ANO10: variants seen among roughly 807,000 people sequenced by gnomAD.
ANO10 encodes the protein anoctamin-10.
Under a neutral mutation model 74.7 loss-of-function variants are expected in ANO10, and 77 were observed. The ratio of observed to expected loss-of-function variants is 1.03; its 90% CI spans 0.86 to 1.25. ANO10 has a LOEUF of 1.25. Among genes scored for constraint, ANO10 ranks in the 50% most tolerant of loss-of-function variants. The pLI, the probability that ANO10 is intolerant of heterozygous loss-of-function variation, is 0.00. For missense variants in ANO10, 721 were observed against 778.1 expected (o/e 0.93, Z 0.87); for synonymous variants, 279 against 284.9 (o/e 0.98, Z 0.21).
At chr3:43,582,641 CAT>C (rs2149421673) in intron 4 of ANO10, among the ~76,000 whole-genome samples, 1 of 152,260 alleles carries the variant, frequency 6.6e-6, no homozygotes, top group Admixed American at 6.5e-5. Flanking sequence ...AAAGATTCTT[CAT>C]ATATGTTTCT....
chr3:43,664,029 A>G (rs2083958150), intron 1 of ANO10, among the ~76,000 whole-genome samples: 1 of 152,180 alleles, frequency 6.6e-6, no homozygotes, highest in African/African-American at 2.4e-5. Context: ...TGGAAAAACT[A>G]CTTTAAATTT....
intron 10 of ANO10, among the ~76,000 whole-genome samples, chr3:43,551,184 T>C (rs2079440506): frequency 6.6e-6 from 1 of 152,228 alleles, no homozygotes; most frequent in Non-Finnish European, 1.5e-5. Flanking sequence ...AGTACATCAT[T>C]TAACAAATGT....
chr3:43,410,946 G>A (rs2092654901), intron 12 of ANO10, among the ~76,000 whole-genome samples: 1 of 151,892 alleles, frequency 6.6e-6, no homozygotes, highest in African/African-American at 2.4e-5. Flanking sequence ...AACGACTGCA[G>A]TTCTGGTAAC....
chr3:43,516,296 G>C (rs2077708429), intron 11 of ANO10, among the ~76,000 whole-genome samples: 1 of 152,312 alleles, frequency 6.6e-6, no homozygotes, highest in Non-Finnish European at 1.5e-5. Flanking sequence ...ACTAGACTTT[G>C]AAGAACAAGG....
intron 11 of ANO10, among the ~76,000 whole-genome samples, chr3:43,512,380 A>G (rs2077542223): frequency 6.6e-6 from 1 of 152,230 alleles, no homozygotes; most frequent in Non-Finnish European, 1.5e-5. Context: ...ACTGTGCACT[A>G]TTCTGTGCAT....
At chr3:43,677,606 C>T (rs1310178269) in intron 1 of ANO10, among the ~76,000 whole-genome samples, 1 of 152,144 alleles carries the variant, frequency 6.6e-6, no homozygotes, top group Non-Finnish European at 1.5e-5. Context: ...CTAATCTGGG[C>T]AGACATTAAT....
At chr3:43,649,825 G>A (rs1392647601) in intron 1 of ANO10, among the ~76,000 whole-genome samples, 1 of 152,178 alleles carries the variant, frequency 6.6e-6, no homozygotes, top group Non-Finnish European at 1.5e-5. Context: ...TGGCTTGTCT[G>A]TTCAGTCACC....
chr3:43,588,716 C>G (rs866495249), intron 4 of ANO10, among the ~76,000 whole-genome samples: 2 of 152,016 alleles, frequency 1.3e-5, no homozygotes, highest in Non-Finnish European at 2.9e-5. Flanking sequence ...AAGGCAAGAA[C>G]CACAAGACAA....
chr3:43,376,056 T>C (rs576245599), intron 12 of ANO10, among the ~76,000 whole-genome samples: 1 of 152,360 alleles, frequency 6.6e-6, no homozygotes, highest in Non-Finnish European at 1.5e-5. Context: ...TGTGTTCTGA[T>C]GGCCTCTTGT....
chr3:43,581,928 A>G lies in ANO10; in HGVS notation c.473-1456T>C, dbSNP rs1485025448. On this transcript the variant is annotated intron_variant, in intron 4 of 12. Transcript: ENST00000292246. ...GCAACAGAGCAAGACCTCATCTCGAAAAAAAAAAAGAAAAAAAAAAAAGAT... is the reference window on the plus strand; with the variant it reads ...GCAACAGAGCAAGACCTCATCTCGAGAAAAAAAAAGAAAAAAAAAAAAGAT... Among the ~76,000 whole-genome samples, 6 of 150,294 alleles carry G rather than the reference A, an allele frequency of 4.0e-5. No individual in the cohort carries two copies. The South Asian group carries it at 1.3e-3, about 32-fold the overall frequency.
chr3:43,496,605 C>CAT (rs960621908), intron 11 of ANO10, among the ~76,000 whole-genome samples: 4 of 151,904 alleles, frequency 2.6e-5, no homozygotes, highest in Non-Finnish European at 5.9e-5. Context: ...TGCTAATTTA[C>CAT]ATATATATAT....
At chr3:43,646,976 G>C (rs946202041) in intron 1 of ANO10, among the ~76,000 whole-genome samples, 7 of 152,096 alleles carry the variant, frequency 4.6e-5, no homozygotes, top group African/African-American at 1.4e-4. Context: ...GTGAAAAGCG[G>C]GAAAGAAAAG....
rs548659759 is a variant in ANO10, at chr3:43,552,718, A to G, written c.1668+2560T>C. ...TCTGGATATATATATATATATATAT[A>G]TATATATATATGTATGTATGTATGT... On this transcript the variant is annotated intron_variant, in intron 10 of 12. Coordinates refer to ENST00000292246, the MANE Select transcript of ANO10 (RefSeq NM_018075.5). Among the ~76,000 whole-genome samples, 135 of 133,110 alleles carry G rather than the reference A, an allele frequency of 1.0e-3. 1 individual carries two copies. Among genetic ancestry groups the G allele is most frequent in the Non-Finnish European group, 1.6e-3 (107 of 65,076 alleles). 87.3% of individuals were successfully genotyped at this position (133,110 alleles called of 152,430 possible).
At chr3:43,489,654 A>G (rs1026322377) in intron 11 of ANO10, among the ~76,000 whole-genome samples, 7 of 152,178 alleles carry the variant, frequency 4.6e-5, no homozygotes, top group African/African-American at 1.4e-4. Flanking sequence ...GTTAGACAGA[A>G]TGAATTCGTC....
chr3:43,444,997 C>T (rs549940000), intron 11 of ANO10, among the ~76,000 whole-genome samples: 1 of 151,970 alleles, frequency 6.6e-6, no homozygotes, highest in East Asian at 1.9e-4. Context: ...GTGACAGGTG[C>T]CTATAGTCCC....
chr3:43,521,719 C>T (rs940659158), intron 11 of ANO10, among the ~76,000 whole-genome samples: 3 of 152,090 alleles, frequency 2.0e-5, no homozygotes, highest in African/African-American at 4.8e-5. Flanking sequence ...ACAGCTGCTA[C>T]GGAAAACAGT....
intron 11 of ANO10, among the ~76,000 whole-genome samples, chr3:43,469,482 T>C (rs1412454729): frequency 6.6e-6 from 1 of 152,216 alleles, no homozygotes; most frequent in Non-Finnish European, 1.5e-5. Context: ...TTCTCTTTTA[T>C]AATATTCCAG....
At chr3:43,684,508 T>C (rs1205833245) in intron 1 of ANO10, among the ~76,000 whole-genome samples, 1 of 152,216 alleles carries the variant, frequency 6.6e-6, no homozygotes, top group Non-Finnish European at 1.5e-5. Context: ...TCAACCATTG[T>C]GGAAGTCAGT....
intron 11 of ANO10, among the ~76,000 whole-genome samples, chr3:43,471,766 C>T (rs553677401): frequency 6.6e-6 from 1 of 152,154 alleles, no homozygotes; most frequent in African/African-American, 2.4e-5. Context: ...CAGTGAGACC[C>T]CATCCCTAAA....
Sources: allele counts gnomAD v4.1 joint callset (sites outside exome capture counted in the v4.1 genomes callset), GRCh38; gene constraint gnomAD v4.1.1; transcripts MANE v1.5; gene names NCBI Gene and HGNC (gene_info 2026-07-23, HGNC 2026-07-21).